NDUFA9: variants seen among roughly 807,000 people sequenced by gnomAD.
The protein encoded by NDUFA9 is NADH dehydrogenase [ubiquinone] 1 alpha subcomplex subunit 9, mitochondrial.
NDUFA9 carries 23 observed loss-of-function variants against 45.9 expected under a neutral mutation model. The observed-to-expected ratio is 0.50, with a 90% CI of 0.36 to 0.71. NDUFA9 has a LOEUF of 0.71. Ranked by LOEUF, NDUFA9 falls within the 30% of genes least tolerant of loss-of-function variation. The pLI is 0.00. For synonymous variants in NDUFA9, 176 were observed against 170.5 expected, an observed-to-expected ratio of 1.03 and a Z score of -0.25; for missense variants, 466 against 488.2, an observed-to-expected ratio of 0.95 and a Z score of 0.43.
intron 2 of NDUFA9, 52 bp downstream of exon 2, chr12:4,654,514 C>A (rs769063148): frequency 1.3e-6 from 2 of 1,575,876 alleles, no homozygotes; most frequent in Non-Finnish European, 1.7e-6. Context: ...ATCAGGATTG[C>A]CTGATGAGAA....
Position 4,689,900 on chromosome 12 carries a change from C to T in NDUFA9, c.*2792C>T, listed in dbSNP as rs118070173. 0.11 allele frequency: 17,273 copies of T among 156,880 alleles called. 982 individuals carry two copies. Among genetic ancestry groups the T allele is most frequent in the Middle Eastern group, 0.13 (41 of 312 alleles). 9.7% of individuals were successfully genotyped at this position (156,880 alleles called of 1,614,324 possible). On this transcript the variant is annotated 3_prime_UTR_variant, in exon 11 of 11. Transcript: ENST00000266544. ...CCGGGCAGAAGCGCCCCCCACCTCCCGGACTGGTCGGCTGGCTGGGCGGAG... is the reference window on the plus strand; with the variant it reads ...CCGGGCAGAAGCGCCCCCCACCTCCTGGACTGGTCGGCTGGCTGGGCGGAG...
At chr12:4,651,144 T>C (rs1945757534) in intron 1 of NDUFA9, among the ~76,000 whole-genome samples, 1 of 152,210 alleles carries the variant, frequency 6.6e-6, no homozygotes, top group South Asian at 2.1e-4. Context: ...ATATAATTTT[T>C]TAAATAAATA....
At chr12:4,686,548 G>A (rs927500249) in intron 10 of NDUFA9, among the ~76,000 whole-genome samples, 1 of 151,994 alleles carries the variant, frequency 6.6e-6, no homozygotes, top group Non-Finnish European at 1.5e-5. Context: ...GAATGGACCA[G>A]CTCTGCTTAA....
chr12:4,683,714 G>T (rs567430221), intron 9 of NDUFA9, among the ~76,000 whole-genome samples: 1 of 152,320 alleles, frequency 6.6e-6, no homozygotes, highest in African/African-American at 2.4e-5. Context: ...GCCAAAAAGT[G>T]ATCAGGCATT....
At chr12:4,651,070 A>C (rs1945756937) in intron 1 of NDUFA9, among the ~76,000 whole-genome samples, 1 of 152,222 alleles carries the variant, frequency 6.6e-6, no homozygotes, top group Non-Finnish European at 1.5e-5. Context: ...TGTATGCCAC[A>C]CACTATTCTA....
intron 2 of NDUFA9, 45 bp downstream of exon 2, chr12:4,654,507 A>AG: frequency 6.3e-7 from 1 of 1,592,278 alleles, no homozygotes. Context: ...GCCATTGATC[A>AG]GGATTGCCTG....
chr12:4,663,057 A>G (rs903240950), intron 6 of NDUFA9, among the ~76,000 whole-genome samples: 7 of 152,184 alleles, frequency 4.6e-5, no homozygotes, highest in African/African-American at 1.7e-4. Context: ...AGGATATTAC[A>G]TATATGGTTA....
At chr12:4,681,762 G>A (rs893909725) in intron 8 of NDUFA9, among the ~76,000 whole-genome samples, 1 of 151,446 alleles carries the variant, frequency 6.6e-6, no homozygotes, top group African/African-American at 2.4e-5. Flanking sequence ...TCATGGATAA[G>A]TACAAATATT....
At chr12:4,675,563 A>G (rs1945914581) in intron 8 of NDUFA9, among the ~76,000 whole-genome samples, 2 of 152,250 alleles carry the variant, frequency 1.3e-5, no homozygotes, top group South Asian at 4.1e-4. Flanking sequence ...AATCTAGAAG[A>G]AATGGATAGG....
intron 8 of NDUFA9, among the ~76,000 whole-genome samples, chr12:4,673,331 C>G (rs575906993): frequency 2.9e-4 from 44 of 152,298 alleles, no homozygotes; most frequent in Admixed American, 8.5e-4. Flanking sequence ...GATTACAACT[C>G]CTTGCCAGCA....
At position 4,689,705 on chromosome 12, in the gene NDUFA9, C is replaced by T. The variant is rs868395304; in HGVS notation, c.*2597C>T. ...AGTCTCCCATGTCTACTTCTTTCTA[C>T]ACAGACACAGCAACAATGTGATTTC... is the stretch of plus-strand genomic sequence containing the variant. On this transcript the variant is annotated 3_prime_UTR_variant, in exon 11 of 11. Coordinates refer to ENST00000266544, the MANE Select transcript of NDUFA9 (RefSeq NM_005002.5). 9.5e-5 allele frequency: 17 copies of T among 178,886 alleles called. No individual in the cohort carries two copies. Among genetic ancestry groups the T allele is most frequent in the African/African-American group, 3.3e-4 (14 of 41,846 alleles). The allele number at this position is 178,886 out of a possible 1,614,324, so 11.1% of individuals were successfully genotyped here.
Position 4,682,285 on chromosome 12 carries a change from C to T in NDUFA9, c.881C>T (p.Pro294Leu), listed in dbSNP as rs34076756. 31,530 of 1,611,710 alleles carry T rather than the reference C, an allele frequency of 0.02. 406 individuals are homozygous for T. The highest frequency in any genetic ancestry group is 0.023 in the Non-Finnish European group (26,623 of 1,178,116). Residue 294 changes from proline to leucine, a missense_variant, in exon 9 of 11, where the codon CCG (proline) becomes CTG (leucine). By Grantham distance (98) the Pro-to-Leu change is moderately conservative (BLOSUM62 -3). Transcript: ENST00000266544. ...AHRLFLPFPL[P>L]LFAYRWVARV... is the part of the protein sequence containing the mutation. ...AGATTGTTCCTCCCATTCCCCTTGC[C>T]GCTTTTTGCCTATCGGTAAGTAGAG...
chr12:4,684,779 G>T (rs569512691), intron 9 of NDUFA9, among the ~76,000 whole-genome samples: 1 of 150,458 alleles, frequency 6.6e-6, no homozygotes, highest in African/African-American at 2.4e-5. Flanking sequence ...GATTTGAACC[G>T]TAGATTTTAG....
chr12:4,650,364 T>G (rs141024838), intron 1 of NDUFA9, among the ~76,000 whole-genome samples: 1,792 of 152,342 alleles, frequency 0.012, 22 homozygotes, highest in Non-Finnish European at 0.017. Flanking sequence ...TTGCTGGTTC[T>G]TGTTAAACTA....
At chr12:4,663,971 G>A (rs888486008) in intron 6 of NDUFA9, among the ~76,000 whole-genome samples, 8 of 152,190 alleles carry the variant, frequency 5.3e-5, no homozygotes, top group African/African-American at 1.9e-4. Context: ...GCTGATCTGT[G>A]TGTGTTCTAG....
chr12:4,657,909 CCTTTT>C, intron 4 of NDUFA9, 70 bp downstream of exon 4: 5 of 1,181,066 alleles, frequency 4.2e-6, no homozygotes, highest in African/African-American at 1.5e-5. Flanking sequence ...TCGCTGGGCA[CCTTTT>C]ATGTGCCAGC....
rs953107888 is a variant in NDUFA9, at chr12:4,662,408, T to C, written c.553-125T>C. 15 of 710,556 alleles carry C rather than the reference T, an allele frequency of 2.1e-5. No individual in the cohort carries two copies. The Admixed American group carries it at 3.2e-4, about 15-fold the overall frequency. The allele number at this position is 710,556 out of a possible 1,614,324, so 44.0% of individuals were successfully genotyped here. Reference sequence around the variant, plus strand: ...GTGTAACTGAGTTTTATGAATTACATGATTACCTTTATCTGGAGGAAAATA... The same window carrying C: ...GTGTAACTGAGTTTTATGAATTACACGATTACCTTTATCTGGAGGAAAATA... On this transcript the variant is annotated intron_variant, in intron 5 of 10. Transcript: ENST00000266544.
chr12:4,653,362 T>C (rs1201431028), intron 1 of NDUFA9: 2 of 231,820 alleles, frequency 8.6e-6, no homozygotes, highest in Non-Finnish European at 1.7e-5. Context: ...CTGATTCCCC[T>C]TGTGGTAGAA....
At chr12:4,660,194 A>G (rs1174792047) in intron 5 of NDUFA9, among the ~76,000 whole-genome samples, 3 of 152,210 alleles carry the variant, frequency 2.0e-5, no homozygotes, top group Non-Finnish European at 4.4e-5. Flanking sequence ...GTTGCACATT[A>G]AAACCACTGA....
Sources: gnomAD v4.1 joint callset for allele counts (sites outside exome capture counted in the v4.1 genomes callset) on GRCh38, gnomAD v4.1.1 for gene constraint, MANE v1.5 for transcripts, NCBI Gene and HGNC (gene_info 2026-07-23, HGNC 2026-07-21) for gene names.